Variants in MICU1 observed in about 807,000 individuals in gnomAD.
The protein encoded by MICU1 is mitochondrial calcium uptake 1, also known as calcium uptake protein 1, mitochondrial.
In MICU1, 45 loss-of-function variants were observed where a neutral mutation model predicts 56.8. The ratio of observed to expected loss-of-function variants is 0.79; its 90% CI spans 0.62 to 1.02. The LOEUF is 1.02. Among genes scored for constraint, MICU1 ranks in the 50% least tolerant of loss-of-function variants. The pLI is 0.00. For missense variants in MICU1, 504 were observed against 587.1 expected (o/e 0.86, Z 1.46); for synonymous variants, 186 against 195.1 (o/e 0.95, Z 0.39).
intron 1 of MICU1, chr10:72,582,843 G>A (rs931194337): frequency 1.3e-5 from 2 of 151,680 alleles, no homozygotes; most frequent in African/African-American, 4.9e-5. Flanking sequence ...CAGCTACTCA[G>A]GAAGCTGAGG....
intron 8 of MICU1, among the ~76,000 whole-genome samples, chr10:72,452,372 G>A (rs1865326620): frequency 6.6e-6 from 1 of 152,138 alleles, no homozygotes; most frequent in Admixed American, 6.5e-5. Flanking sequence ...TCTGGAGGCA[G>A]GGAAGTTAAT....
chr10:72,562,301 A>G (rs144374027), intron 3 of MICU1, among the ~76,000 whole-genome samples: 287 of 151,968 alleles, frequency 1.9e-3, no homozygotes, highest in Non-Finnish European at 3.1e-3. Flanking sequence ...CTACAGGTGC[A>G]TGCCACCATG....
chr10:72,589,707 A>C (rs1841168596), intron 1 of MICU1, among the ~76,000 whole-genome samples: 1 of 152,216 alleles, frequency 6.6e-6, no homozygotes, highest in South Asian at 2.1e-4. Context: ...GGTCAATGGA[A>C]CTGAATAGAA....
intron 5 of MICU1, chr10:72,531,786 C>T (rs180878565): frequency 2.0e-5 from 3 of 150,748 alleles, no homozygotes; most frequent in Admixed American, 6.6e-5. Flanking sequence ...CTGACAGTTA[C>T]AATTATCAAG....
intron 6 of MICU1, among the ~76,000 whole-genome samples, chr10:72,483,978 C>T (rs1436902604): frequency 6.6e-6 from 1 of 152,156 alleles, no homozygotes; most frequent in Admixed American, 6.5e-5. Context: ...TAATTTAAAA[C>T]ACTGTTAACA....
At chr10:72,420,373 T>G (rs1220494165) in intron 9 of MICU1, among the ~76,000 whole-genome samples, 2 of 152,192 alleles carry the variant, frequency 1.3e-5, no homozygotes, top group East Asian at 3.8e-4. Context: ...AAGACATGTC[T>G]TTTCTTCTCC....
At chr10:72,530,862 T>C (rs1029626709) in intron 5 of MICU1, among the ~76,000 whole-genome samples, 8 of 152,142 alleles carry the variant, frequency 5.3e-5, no homozygotes, top group African/African-American at 1.9e-4. Flanking sequence ...AGGAAAAAAA[T>C]ATTTTAGCAA....
At chr10:72,465,174 T>G (rs1255908436) in intron 8 of MICU1, among the ~76,000 whole-genome samples, 1 of 152,128 alleles carries the variant, frequency 6.6e-6, no homozygotes, top group Non-Finnish European at 1.5e-5. Flanking sequence ...CTAATTTTTT[T>G]GTATTTTTAG....
chr10:72,415,447 C>A (rs769851475), intron 9 of MICU1, among the ~76,000 whole-genome samples: 11 of 152,264 alleles, frequency 7.2e-5, no homozygotes, highest in Non-Finnish European at 1.0e-4. Context: ...TATTACTATG[C>A]CTGTCTTGCT....
intron 8 of MICU1, among the ~76,000 whole-genome samples, chr10:72,434,917 C>A (rs1215568133): frequency 6.6e-6 from 1 of 152,098 alleles, no homozygotes; most frequent in Non-Finnish European, 1.5e-5. Flanking sequence ...GACCCCTATA[C>A]CAGGCTTGAT....
chr10:72,490,145 A>G (rs1480544817), intron 6 of MICU1, among the ~76,000 whole-genome samples: 1 of 152,182 alleles, frequency 6.6e-6, no homozygotes, highest in Non-Finnish European at 1.5e-5. Context: ...CTTAAGACGC[A>G]CTTTTAAAAT....
At chr10:72,560,085 C>T (rs1293139179) in intron 3 of MICU1, among the ~76,000 whole-genome samples, 1 of 152,050 alleles carries the variant, frequency 6.6e-6, no homozygotes, top group Non-Finnish European at 1.5e-5. Flanking sequence ...CTGATGTAGA[C>T]ATCACAGGAC....
At chr10:72,496,942 C>T (rs1589278508) in intron 6 of MICU1, among the ~76,000 whole-genome samples, 1 of 152,186 alleles carries the variant, frequency 6.6e-6, no homozygotes, top group East Asian at 1.9e-4. Context: ...AGACAATGTG[C>T]TGTATCAATA....
chr10:72,465,664 C>A (rs1403354867), intron 8 of MICU1, among the ~76,000 whole-genome samples: 2 of 151,832 alleles, frequency 1.3e-5, no homozygotes, highest in Admixed American at 6.6e-5. Context: ...CAGGTACCTG[C>A]CACCACACCT....
At chr10:72,534,536 A>G in intron 4 of MICU1, among the ~76,000 whole-genome samples, 1 of 152,306 alleles carries the variant, frequency 6.6e-6, no homozygotes, top group East Asian at 1.9e-4. Flanking sequence ...GGGAGCATAC[A>G]ATTAGTTCAA....
chr10:72,591,958 C>T (rs1841237092), intron 1 of MICU1, among the ~76,000 whole-genome samples: 1 of 151,416 alleles, frequency 6.6e-6, no homozygotes, highest in African/African-American at 2.4e-5. Flanking sequence ...TTGCAGTGAG[C>T]CAACATTCAA....
chr10:72,411,174 T>A (rs1229328944), intron 9 of MICU1, among the ~76,000 whole-genome samples: 2 of 152,212 alleles, frequency 1.3e-5, no homozygotes, highest in African/African-American at 2.4e-5. Flanking sequence ...TAGTCAAAGA[T>A]GGTGGTTGTC....
At chr10:72,456,359 G>A (rs1261364351) in intron 8 of MICU1, among the ~76,000 whole-genome samples, 2 of 152,170 alleles carry the variant, frequency 1.3e-5, no homozygotes, top group Non-Finnish European at 2.9e-5. Flanking sequence ...CAGAAGCTGT[G>A]ACCAAAAGGA....
intron 9 of MICU1, among the ~76,000 whole-genome samples, chr10:72,411,365 T>G (rs1032821437): frequency 6.6e-6 from 1 of 151,716 alleles, no homozygotes; most frequent in African/African-American, 2.4e-5. Context: ...TCTCGCTCTA[T>G]CGCCCAGGCT....
Sources: allele counts gnomAD v4.1 joint callset (sites outside exome capture counted in the v4.1 genomes callset), GRCh38; gene constraint gnomAD v4.1.1; transcripts MANE v1.5; gene names NCBI Gene and HGNC (gene_info 2026-07-23, HGNC 2026-07-21).